The following SEMA3A variants were observed in gnomAD, a reference collection of about 807,000 sequenced individuals.
SEMA3A encodes the protein semaphorin 3A, also known as semaphorin-3A.
A neutral mutation model predicts 97.9 loss-of-function variants in SEMA3A; 29 were observed. That is an observed-to-expected ratio of 0.30 (90% CI 0.22 to 0.40). SEMA3A has a LOEUF of 0.40. Ranked by LOEUF, SEMA3A falls within the 10% of genes least tolerant of loss-of-function variation. The pLI is 1.00. For missense variants in SEMA3A, 763 were observed against 951.3 expected (o/e 0.80, Z 2.60); for synonymous variants, 321 against 323.7 (o/e 0.99, Z 0.09).
At chr7:84,158,264 C>G (rs1796914394) in intron 1 of SEMA3A, among the ~76,000 whole-genome samples, 1 of 147,160 alleles carries the variant, frequency 6.8e-6, no homozygotes, top group Non-Finnish European at 1.5e-5. Flanking sequence ...AAGTGATTCT[C>G]CCACCTCAGC....
At chr7:84,249,315 T>C (rs1380226108) in intron 3 of SEMA3A, among the ~76,000 whole-genome samples, 1 of 151,952 alleles carries the variant, frequency 6.6e-6, no homozygotes, top group Non-Finnish European at 1.5e-5. Context: ...GAAAGGAAAT[T>C]AGTAAGGAGG....
intron 3 of SEMA3A, among the ~76,000 whole-genome samples, chr7:84,284,015 A>ATTTGT (rs1800520536): frequency 6.6e-6 from 1 of 152,196 alleles, no homozygotes; most frequent in African/African-American, 2.4e-5. Flanking sequence ...GAGAGGCAAT[A>ATTTGT]AATGCTAAGT....
intron 3 of SEMA3A, among the ~76,000 whole-genome samples, chr7:84,268,248 C>CCTGTGT (rs1562879382): frequency 9.4e-6 from 1 of 106,588 alleles, no homozygotes. Flanking sequence ...GAGACATAAG[C>CCTGTGT]ATGTGTGTGT....
intron 1 of SEMA3A, among the ~76,000 whole-genome samples, chr7:84,447,908 G>A (rs370529082): frequency 6.6e-6 from 1 of 152,124 alleles, no homozygotes; most frequent in Non-Finnish European, 1.5e-5. Flanking sequence ...ACCGCATTCC[G>A]CTAGCTCAGA....
chr7:84,484,534 C>T (rs1004352339), intron 1 of SEMA3A, among the ~76,000 whole-genome samples: 2 of 141,170 alleles, frequency 1.4e-5, no homozygotes, highest in African/African-American at 5.6e-5. Context: ...CACATATTCA[C>T]TTGTTCACTT....
intron 14 of SEMA3A, among the ~76,000 whole-genome samples, chr7:83,980,623 A>AAAAATATAT (rs1310318006): frequency 1.2e-3 from 83 of 71,702 alleles, no homozygotes; most frequent in Non-Finnish European, 1.6e-3. Flanking sequence ...AAAAAAAAAA[A>AAAAATATAT]ATATATATAT....
At chr7:84,485,705 T>G (rs945197714) in intron 1 of SEMA3A, among the ~76,000 whole-genome samples, 3 of 152,178 alleles carry the variant, frequency 2.0e-5, no homozygotes, top group African/African-American at 7.2e-5. Context: ...TTACCAGTAC[T>G]AACAATTTTC....
rs797016220 is a variant in SEMA3A at position 83,992,689 on chromosome 7, TG to T, written c.1453-7213del. ...TTGCACTGTGGTCTGAGAGATAGTT[TG>T]TTATAATTTCTGTTCTTTTACATTT... On this transcript the variant is annotated intron_variant, in intron 12 of 16. Coordinates refer to ENST00000265362, the MANE Select transcript of SEMA3A (RefSeq NM_006080.3). 1.3e-4 allele frequency among the ~76,000 whole-genome samples: 19 copies of T among 151,746 alleles called. No individual in the cohort carries two copies. The South Asian group carries it at 2.9e-3, about 23-fold the overall frequency.
At chr7:84,359,568 G>T (rs1477404568) in intron 2 of SEMA3A, among the ~76,000 whole-genome samples, 1 of 152,000 alleles carries the variant, frequency 6.6e-6, no homozygotes, top group South Asian at 2.1e-4. Flanking sequence ...TTTCTGCATC[G>T]ATGTTCATCA....
intron 1 of SEMA3A, among the ~76,000 whole-genome samples, chr7:84,137,985 T>G (rs566887969): frequency 7.4e-4 from 112 of 152,274 alleles, no homozygotes; most frequent in Non-Finnish European, 9.1e-4. Context: ...GTCCCAAGTT[T>G]TATAGAAGAT....
intron 1 of SEMA3A, among the ~76,000 whole-genome samples, chr7:84,490,178 A>G (rs1806682676): frequency 6.7e-6 from 1 of 149,814 alleles, no homozygotes; most frequent in Non-Finnish European, 1.5e-5. Context: ...TAAGTTGGAT[A>G]TAACCACAAT....
intron 13 of SEMA3A, among the ~76,000 whole-genome samples, chr7:83,984,842 A>T (rs2116328336): frequency 6.6e-6 from 1 of 152,042 alleles, no homozygotes; most frequent in Admixed American, 6.6e-5. Flanking sequence ...AAGTTTTAGT[A>T]CTTATTTGGC....
chr7:84,239,177 A>C (rs1418803159), intron 3 of SEMA3A, among the ~76,000 whole-genome samples: 1 of 152,194 alleles, frequency 6.6e-6, no homozygotes, highest in Admixed American at 6.5e-5. Context: ...ATGATTGTGC[A>C]ACTGTGAATA....
chr7:84,432,412 C>T (rs1805004099), intron 1 of SEMA3A, among the ~76,000 whole-genome samples: 1 of 151,946 alleles, frequency 6.6e-6, no homozygotes, highest in Admixed American at 6.6e-5. Flanking sequence ...ATTTTAGAAT[C>T]AGAGGGTACA....
chr7:84,013,594 G>A (rs537936676), intron 7 of SEMA3A, among the ~76,000 whole-genome samples: 4 of 149,118 alleles, frequency 2.7e-5, no homozygotes, highest in South Asian at 2.1e-4. Flanking sequence ...AGTGGTTCAC[G>A]CCTGTAATCC....
At chr7:84,225,637 T>C (rs1798973010) in intron 3 of SEMA3A, among the ~76,000 whole-genome samples, 1 of 152,088 alleles carries the variant, frequency 6.6e-6, no homozygotes, top group Non-Finnish European at 1.5e-5. Context: ...ATTCAATGTG[T>C]TTGCCTGCAT....
intron 4 of SEMA3A, among the ~76,000 whole-genome samples, chr7:84,074,695 G>A (rs1177801771): frequency 2.0e-5 from 3 of 151,878 alleles, no homozygotes; most frequent in South Asian, 4.2e-4. Context: ...ATAGTTTTGA[G>A]TAGCTTTAGA....
At chr7:84,062,627 G>A (rs867600872) in intron 4 of SEMA3A, among the ~76,000 whole-genome samples, 2 of 152,222 alleles carry the variant, frequency 1.3e-5, no homozygotes, top group Non-Finnish European at 2.9e-5. Flanking sequence ...GGGTCAGGGA[G>A]TTCCCTTTCT....
intron 5 of SEMA3A, among the ~76,000 whole-genome samples, chr7:84,053,741 T>G (rs1023306929): frequency 2.7e-5 from 4 of 149,608 alleles, no homozygotes; most frequent in African/African-American, 9.8e-5. Context: ...ATGTGTGAAT[T>G]TGATCCTGTC....
Sources: gnomAD v4.1 joint callset for allele counts (sites outside exome capture counted in the v4.1 genomes callset) on GRCh38, gnomAD v4.1.1 for gene constraint, MANE v1.5 for transcripts, NCBI Gene and HGNC (gene_info 2026-07-23, HGNC 2026-07-21) for gene names.